The following GDAP1 variants were observed in gnomAD, a reference collection of about 807,000 sequenced individuals.
GDAP1 encodes the protein ganglioside-induced differentiation-associated protein 1.
Under a neutral mutation model 40.1 loss-of-function variants are expected in GDAP1, and 34 were observed. That is an observed-to-expected ratio of 0.85 (90% CI 0.64 to 1.13). GDAP1 has a LOEUF of 1.13. Among genes scored for constraint, GDAP1 ranks in the 50% most tolerant of loss-of-function variants. The probability of loss-of-function intolerance (pLI) is 0.00; values close to 1 mark genes in which losing one functional copy is unlikely to be tolerated. For missense variants in GDAP1, 374 were observed against 433.7 expected, an observed-to-expected ratio of 0.86 and a Z score of 1.22; for synonymous variants, 170 against 157.4, an observed-to-expected ratio of 1.08 and a Z score of -0.60.
At chr8:74,406,570 T>G (rs139010344) in intron 2 of GDAP1, among the ~76,000 whole-genome samples, 1 of 150,326 alleles carries the variant, frequency 6.7e-6, no homozygotes, top group East Asian at 1.9e-4. Context: ...TTTAATAACC[T>G]TCTATACTGG....
chr8:74,415,870 G>A (rs1805771485), intron 2 of GDAP1, among the ~76,000 whole-genome samples: 1 of 149,590 alleles, frequency 6.7e-6, no homozygotes, highest in Admixed American at 6.6e-5. Flanking sequence ...TGTGAGAGAG[G>A]TTCTGGCCAA....
rs1002012831 is a variant in GDAP1, at chr8:74,398,424, T to A, written c.165+47103T>A. Among the ~76,000 whole-genome samples the A allele has an allele frequency of 6.6e-5, 10 of 152,194 alleles. No individual in the cohort carries two copies. The East Asian group carries it at 1.9e-3, about 29-fold the overall frequency. Reference sequence around the variant, plus strand: ...TATCCTGAGACTTTGCTGAAGTTGCTTCTCAGCTTAAGGAGATTTTGGGCT... The same window carrying A: ...TATCCTGAGACTTTGCTGAAGTTGCATCTCAGCTTAAGGAGATTTTGGGCT... On this transcript the variant is annotated intron_variant, in intron 2 of 2. Transcript: ENST00000523640.
At position 74,366,275 on chromosome 8, in the gene GDAP1, A is replaced by G. The variant is rs1476694794; in HGVS notation, c.*1908A>G. On this transcript the variant is annotated 3_prime_UTR_variant, in exon 6 of 6. Coordinates refer to ENST00000220822, the MANE Select transcript of GDAP1 (RefSeq NM_018972.4). ...TTTAAGGTGTTTGTTTAGGGATACA[A>G]TGACCACTAGATGTCGCTGTTTATC... The G allele has an allele frequency of 6.6e-6, 3 of 454,372 alleles. No homozygotes were observed. The highest frequency in any genetic ancestry group is 2.4e-5 in the Admixed American group (1 of 42,546). 28.1% of individuals were successfully genotyped at this position (454,372 alleles called of 1,614,324 possible). A position where few individuals can be genotyped will look rare whatever the true frequency, so the allele number is the denominator to read the frequency against.
At position 74,350,585 on chromosome 8, in the gene GDAP1, C is replaced by A; in HGVS notation, c.117+7C>A. 6.6e-7 allele frequency: 1 copy of A among 1,515,156 alleles called. No individual in the cohort carries two copies. Among genetic ancestry groups the A allele is most frequent in the Non-Finnish European group, 9.2e-7 (1 of 1,089,548 alleles). The allele number at this position is 1,515,156 out of a possible 1,614,324, so 93.9% of individuals were successfully genotyped here. A position where few individuals can be genotyped will look rare whatever the true frequency, so the allele number is the denominator to read the frequency against. On this transcript the variant is annotated splice_region_variant and intron_variant, in intron 1 of 5. Coordinates refer to ENST00000220822, the MANE Select transcript of GDAP1 (RefSeq NM_018972.4). ...TTCCTTCAGCTCTCAAAAGGTACAA[C>A]AGGCCTTGGCGGCGGAGGGTGGCGC...
intron 2 of GDAP1, among the ~76,000 whole-genome samples, chr8:74,473,275 G>T (rs1192950677): frequency 6.6e-6 from 1 of 152,030 alleles, no homozygotes; most frequent in Non-Finnish European, 1.5e-5. Flanking sequence ...AGTTCCTTTT[G>T]CTGTGCAGAA....
intron 5 of GDAP1, among the ~76,000 whole-genome samples, chr8:74,363,548 T>A (rs186003303): frequency 2.6e-5 from 4 of 152,360 alleles, no homozygotes; most frequent in Admixed American, 1.3e-4. Flanking sequence ...ATGTTACCTG[T>A]CACAAAAGCT....
chr8:74,378,334 G>A (rs1809893003), intron 2 of GDAP1, among the ~76,000 whole-genome samples: 1 of 152,126 alleles, frequency 6.6e-6, no homozygotes, highest in South Asian at 2.1e-4. Context: ...GGAGAAGTGG[G>A]GCCAGAGTCC....
chr8:74,387,310 C>T (rs1014740314), intron 2 of GDAP1, among the ~76,000 whole-genome samples: 5 of 152,098 alleles, frequency 3.3e-5, no homozygotes, highest in African/African-American at 1.2e-4. Flanking sequence ...TGATATTGGC[C>T]ATGGGTTTGT....
intron 2 of GDAP1, among the ~76,000 whole-genome samples, chr8:74,384,868 A>G (rs1043158014): frequency 2.0e-5 from 3 of 152,208 alleles, no homozygotes; most frequent in African/African-American, 2.4e-5. Context: ...TTTTATTTAT[A>G]GCTGAAGTCG....
chr8:74,478,730 G>A (rs918284648), intron 2 of GDAP1, among the ~76,000 whole-genome samples: 9 of 152,158 alleles, frequency 5.9e-5, no homozygotes, highest in African/African-American at 1.7e-4. Flanking sequence ...TCTGGGCTCC[G>A]CACCAGCTGG....
intron 2 of GDAP1, among the ~76,000 whole-genome samples, chr8:74,463,941 G>GAAA (rs141048530): frequency 0.99 from 151,195 of 152,074 alleles, 75,165 homozygotes; most frequent in East Asian, 1. Context: ...AGCATAAAGG[G>GAAA]AAAAAATCCA....
intron 2 of GDAP1, among the ~76,000 whole-genome samples, chr8:74,390,867 A>G (rs978357131): frequency 1.3e-5 from 2 of 152,182 alleles, no homozygotes; most frequent in Non-Finnish European, 2.9e-5. Flanking sequence ...CCTTTCTTTC[A>G]GAGATGCCCT....
chr8:74,351,844 A>G (rs1402828816), intron 2 of GDAP1, among the ~76,000 whole-genome samples: 1 of 152,224 alleles, frequency 6.6e-6, no homozygotes, highest in African/African-American at 2.4e-5. Context: ...CTTAAAAACA[A>G]GAGGGAAAAA....
At chr8:74,367,539 G>A (rs1809681255), downstream of GDAP1, among the ~76,000 whole-genome samples, 1 of 151,880 alleles carries the variant, frequency 6.6e-6, no homozygotes, top group African/African-American at 2.4e-5. Flanking sequence ...AAAACAGTAT[G>A]GTAAAGACAT....
chr8:74,439,502 C>G (rs191138676), intron 2 of GDAP1, among the ~76,000 whole-genome samples: 1 of 152,010 alleles, frequency 6.6e-6, no homozygotes, highest in East Asian at 1.9e-4. Context: ...AACATAATTA[C>G]TATATTTTAT....
chr8:74,463,070 G>C (rs576963282), intron 2 of GDAP1, among the ~76,000 whole-genome samples: 141 of 38,870 alleles, frequency 3.6e-3, no homozygotes, highest in African/African-American at 0.013. Context: ...AAGGCAATAA[G>C]TTACGGCAAA....
chr8:74,470,172 A>G (rs375616105), intron 2 of GDAP1, among the ~76,000 whole-genome samples: 2 of 151,838 alleles, frequency 1.3e-5, no homozygotes, highest in African/African-American at 4.8e-5. Flanking sequence ...CAAGTTTTCA[A>G]ATTTATTTGC....
At chr8:74,484,135 T>C (rs1563482010) in intron 2 of GDAP1, among the ~76,000 whole-genome samples, 1 of 152,212 alleles carries the variant, frequency 6.6e-6, no homozygotes, top group Non-Finnish European at 1.5e-5. Context: ...GATCTGGAAA[T>C]TTTGTATAGA....
At chr8:74,402,959 G>A (rs1442974857) in intron 2 of GDAP1, among the ~76,000 whole-genome samples, 1 of 149,842 alleles carries the variant, frequency 6.7e-6, no homozygotes. Context: ...AATGTATGAT[G>A]TTTTTCAAAA....
Sources: gnomAD v4.1 joint callset for allele counts (sites outside exome capture counted in the v4.1 genomes callset) on GRCh38, gnomAD v4.1.1 for gene constraint, MANE v1.5 for transcripts, NCBI Gene and HGNC (gene_info 2026-07-23, HGNC 2026-07-21) for gene names.